The following CRHR2 variants were observed in gnomAD, a reference collection of about 807,000 sequenced individuals.
CRHR2 encodes the protein corticotropin-releasing hormone receptor 2.
CRHR2 carries 53 observed loss-of-function variants against 57.9 expected under a neutral mutation model. The ratio of observed to expected loss-of-function variants is 0.92; its 90% CI spans 0.73 to 1.15. The LOEUF (loss-of-function observed/expected upper bound fraction) is 1.15, where lower values mean the gene tolerates loss of function less well. Among genes scored for constraint, CRHR2 ranks in the 50% most tolerant of loss-of-function variants. The pLI is 0.00. For synonymous variants in CRHR2, 213 were observed against 220.9 expected (o/e 0.96, Z 0.32); for missense variants, 532 against 542.6 (o/e 0.98, Z 0.19).
chr7:30,662,053 G>T, intron 7 of CRHR2, 103 bp downstream of exon 7: 1 of 1,250,562 alleles, frequency 8.0e-7, no homozygotes, highest in Non-Finnish European at 1.2e-6. Context: ...TCTAGGTGTG[G>T]CTACAATTCC....
intron 11 of CRHR2, among the ~76,000 whole-genome samples, chr7:30,654,399 TCG>T (rs1462287341): frequency 6.6e-6 from 1 of 152,162 alleles, no homozygotes; most frequent in African/African-American, 2.4e-5. Context: ...CATAGACACC[TCG>T]CCAGTGCCCT....
In CRHR2 at chr7:30,665,760, T is replaced by C. The variant is rs548047977; in HGVS notation, c.316-121A>G. The C allele has an allele frequency of 5.3e-6, 4 of 754,242 alleles. No homozygotes were observed. The highest frequency in any genetic ancestry group is 5.6e-5 in the East Asian group (2 of 36,022). The allele number at this position is 754,242 out of a possible 1,614,324, so 46.7% of individuals were successfully genotyped here. A position where few individuals can be genotyped will look rare whatever the true frequency, so the allele number is the denominator to read the frequency against. On this transcript the variant is annotated intron_variant, in intron 3 of 11. Coordinates refer to ENST00000471646, the MANE Select transcript of CRHR2 (RefSeq NM_001883.5). This position sits in a 1 kb window ranked among gnomAD's most constrained non-coding sequence, Gnocchi z 4.5. The stretch of plus-strand genomic sequence containing the variant: ...GGGGGCAGAAGTGCTCCAGGTGTCA[T>C]TGCCGTGCCTGGCTCTTAGGGTTCG...
intron 2 of CRHR2, among the ~76,000 whole-genome samples, chr7:30,673,520 C>T (rs765611648): frequency 6.6e-6 from 1 of 152,174 alleles, no homozygotes; most frequent in Non-Finnish European, 1.5e-5. Flanking sequence ...GCCTGGCCAT[C>T]TTTCTTGCTT....
intron 1 of CRHR2, chr7:30,699,904 C>T (rs1249661426): frequency 6.8e-7 from 1 of 1,474,900 alleles, no homozygotes; most frequent in African/African-American, 1.5e-5. Flanking sequence ...CTCCGTGCTC[C>T]TGGCGCCCCA....
chr7:30,686,614 G>A, upstream of CRHR2: 1 of 1,122,262 alleles, frequency 8.9e-7, no homozygotes, highest in Admixed American at 2.1e-5. Context: ...TTCAAGACCA[G>A]CCTACAAAAA....
Position 30,656,191 on chromosome 7 carries a change from G to T in CRHR2, c.832-179C>A, listed in dbSNP as rs1005116793. ...AAGGCCTGTGCTCCTCCCTCGCCAG[G>T]ATGGGGAGACAGCCCCATTTTCCAG... On this transcript the variant is annotated intron_variant, in intron 8 of 11. Coordinates refer to ENST00000471646, the MANE Select transcript of CRHR2 (RefSeq NM_001883.5). The surrounding 1 kb of genome is among the most constrained non-coding windows in gnomAD (Gnocchi z 4.4). Among the ~76,000 whole-genome samples, 3 of 151,868 alleles carry T rather than the reference G, an allele frequency of 2.0e-5. No homozygotes were observed. The highest frequency in any genetic ancestry group is 2.9e-5 in the Non-Finnish European group (2 of 67,926).
chr7:30,692,243 G>A lies in CRHR2; in HGVS notation c.-260-2959C>T, dbSNP rs181285363. The stretch of plus-strand genomic sequence containing the variant: ...TTAGAGAGCTCAGTGATGGGAGGTC[G>A]AGTCCCCTCATCGGGACTCCCAAGG... On this transcript the variant is annotated intron_variant, in intron 1 of 13. Coordinates refer to the CRHR2 transcript ENST00000341843. Among the ~76,000 whole-genome samples the A allele has an allele frequency of 2.1e-4, 32 of 152,284 alleles. No homozygotes were observed. The South Asian group carries it at 2.3e-3, about 11-fold the overall frequency.
intron 1 of CRHR2, among the ~76,000 whole-genome samples, chr7:30,696,688 C>T (rs1294346257): frequency 6.6e-6 from 1 of 152,108 alleles, no homozygotes; most frequent in African/African-American, 2.4e-5. Flanking sequence ...TGTGCCACTG[C>T]ACTCCAGCCT....
chr7:30,673,867 A>C (rs1784438074), intron 2 of CRHR2, among the ~76,000 whole-genome samples: 1 of 152,218 alleles, frequency 6.6e-6, no homozygotes, highest in African/African-American at 2.4e-5. Flanking sequence ...ACCCAAGCTC[A>C]GACCCAGACT....
At chr7:30,698,450 G>T (rs2128152659) in intron 1 of CRHR2, among the ~76,000 whole-genome samples, 1 of 152,276 alleles carries the variant, frequency 6.6e-6, no homozygotes, top group South Asian at 2.1e-4. Context: ...CCAACACTTG[G>T]ATCTCCTGGA....
chr7:30,695,127 A>G (rs944496749), intron 1 of CRHR2, among the ~76,000 whole-genome samples: 1 of 138,758 alleles, frequency 7.2e-6, no homozygotes, highest in Non-Finnish European at 1.5e-5. Context: ...CTGCACAGAC[A>G]TAGGGGGCAG....
At chr7:30,654,801 A>G in intron 11 of CRHR2, 1 of 1,538,106 alleles carries the variant, frequency 6.5e-7, no homozygotes, top group Non-Finnish European at 8.7e-7. Context: ...TTCCTTGCTC[A>G]CCCAGCTCTG....
At chr7:30,662,576 G>A (rs1164824531) in intron 6 of CRHR2, 118 bp downstream of exon 6, 3 of 1,254,934 alleles carry the variant, frequency 2.4e-6, no homozygotes, top group Non-Finnish European at 3.3e-6. Flanking sequence ...GCATCCACCG[G>A]ACTGCGCTGG....
At chr7:30,672,802 C>G (rs1421041551) in intron 2 of CRHR2, among the ~76,000 whole-genome samples, 1 of 152,214 alleles carries the variant, frequency 6.6e-6, no homozygotes, top group Non-Finnish European at 1.5e-5. Flanking sequence ...ACTGAGTTAT[C>G]AGGCATCTCC....
At chr7:30,673,066 A>C (rs915307927) in intron 2 of CRHR2, among the ~76,000 whole-genome samples, 6 of 152,180 alleles carry the variant, frequency 3.9e-5, no homozygotes, top group Non-Finnish European at 8.8e-5. Flanking sequence ...AGATCCTCAG[A>C]AGAGAATACC....
intron 2 of CRHR2, among the ~76,000 whole-genome samples, chr7:30,678,793 T>G (rs1784602750): frequency 6.6e-6 from 1 of 152,190 alleles, no homozygotes. Context: ...TCACCATATC[T>G]TGTCAATTTC....
chr7:30,682,342 A>G lies in CRHR2; in HGVS notation c.-62T>C. On this transcript the variant is annotated 5_prime_UTR_variant, in exon 1 of 12. Coordinates refer to ENST00000471646, the MANE Select transcript of CRHR2 (RefSeq NM_001883.5). ...TGCGCGCCCGGCGTGACTGCGAGGGAGTGGACGCGAGAGTGAGCGGCCGAG... is the reference window on the plus strand; with the variant it reads ...TGCGCGCCCGGCGTGACTGCGAGGGGGTGGACGCGAGAGTGAGCGGCCGAG... 1.4e-6 allele frequency: 2 copies of G among 1,458,676 alleles called. No individual in the cohort carries two copies. Among genetic ancestry groups the G allele is most frequent in the Non-Finnish European group, 1.8e-6 (2 of 1,107,016 alleles). The allele number at this position is 1,458,676 out of a possible 1,614,324, so 90.4% of individuals were successfully genotyped here.
chr7:30,668,155 A>C (rs531570368), intron 2 of CRHR2, among the ~76,000 whole-genome samples: 6 of 152,374 alleles, frequency 3.9e-5, no homozygotes, highest in African/African-American at 1.4e-4. Flanking sequence ...TCCTGTGCAC[A>C]AAAGTGCAGG....
At chr7:30,682,942 G>A (rs182398321), upstream of CRHR2, among the ~76,000 whole-genome samples, 262 of 152,314 alleles carry the variant, frequency 1.7e-3, 6 homozygotes, top group Non-Finnish European at 2.4e-4. Context: ...GAAATGTATC[G>A]AGGAGGCCTG....
Sources: gnomAD v4.1 joint callset for allele counts (sites outside exome capture counted in the v4.1 genomes callset) on GRCh38, gnomAD v4.1.1 for gene constraint, Gnocchi (gnomAD v3.1) non-coding constraint, MANE v1.5 for transcripts, NCBI Gene and HGNC (gene_info 2026-07-23, HGNC 2026-07-21) for gene names.